TTC27: variants seen among roughly 807,000 people sequenced by gnomAD.
TTC27 encodes the protein tetratricopeptide repeat domain 27.
A neutral mutation model predicts 115.9 loss-of-function variants in TTC27; 79 were observed. The observed-to-expected ratio is 0.68, with a 90% CI of 0.57 to 0.82. The LOEUF (loss-of-function observed/expected upper bound fraction) is 0.82, where lower values mean the gene tolerates loss of function less well. Among genes scored for constraint, TTC27 ranks in the 40% least tolerant of loss-of-function variants. The pLI is 0.00. For missense variants in TTC27, 1,054 were observed against 993.1 expected (o/e 1.06, Z -0.82); for synonymous variants, 401 against 356.0 (o/e 1.13, Z -1.42).
intron 11 of TTC27, 63 bp from the exon 12 acceptor site, chr2:32,736,631 A>T: frequency 6.2e-7 from 1 of 1,600,302 alleles, no homozygotes; most frequent in Non-Finnish European, 8.5e-7. Context: ...GTACACCTGC[A>T]AGTGAAACAG....
intron 10 of TTC27, among the ~76,000 whole-genome samples, chr2:32,705,483 T>C (rs1170086303): frequency 6.6e-6 from 1 of 152,186 alleles, no homozygotes; most frequent in Non-Finnish European, 1.5e-5. Flanking sequence ...CATTTTTATT[T>C]ATTTATTTTT....
In TTC27 at chr2:32,650,354, T is replaced by C. The variant is rs2151869707; in HGVS notation, c.640+121T>C. The C allele has an allele frequency of 4.4e-5, 5 of 114,704 alleles. No individual in the cohort carries two copies. The South Asian group carries it at 9.6e-4, about 22-fold the overall frequency. The allele number at this position is 114,704 out of a possible 1,614,324, so 7.1% of individuals were successfully genotyped here. On this transcript the variant is annotated intron_variant, in intron 5 of 19. Transcript: ENST00000317907. ...GTGCCTTTTCGTTTTGAGTTGTTTC[T>C]TTTTTTTTTTTTTTTTTTTTGGTGT...
chr2:32,693,803 G>T (rs900506713), intron 9 of TTC27, among the ~76,000 whole-genome samples: 1 of 152,166 alleles, frequency 6.6e-6, no homozygotes, highest in African/African-American at 2.4e-5. Context: ...ACAGTAAAGC[G>T]CTAACAAAAC....
intron 12 of TTC27, among the ~76,000 whole-genome samples, chr2:32,757,626 G>A (rs1196300098): frequency 2.6e-5 from 4 of 152,098 alleles, no homozygotes; most frequent in Non-Finnish European, 1.5e-5. Flanking sequence ...ATTAAGCTGT[G>A]CACATTTTTT....
intron 8 of TTC27, among the ~76,000 whole-genome samples, chr2:32,673,417 G>A (rs972449332): frequency 2.0e-5 from 3 of 151,814 alleles, no homozygotes; most frequent in Non-Finnish European, 4.4e-5. Flanking sequence ...AGTAGAGATG[G>A]GGTTTCGCCG....
At position 32,818,916 on chromosome 2, in the gene TTC27, A is replaced by G. The variant is rs115824798; in HGVS notation, c.2409+1359A>G. Among the ~76,000 whole-genome samples the G allele has an allele frequency of 7.4e-3, 1,134 of 152,218 alleles. 9 individuals carry two copies. The highest frequency in any genetic ancestry group is 0.012 in the Non-Finnish European group (784 of 68,008). On this transcript the variant is annotated intron_variant, in intron 19 of 19. Transcript: ENST00000317907. ...TACTTCACTTTTCCTATTTATCTGC[A>G]TGACCCAGGAGAACTATATTTCCTC...
At chr2:32,720,629 A>T (rs1386242263) in intron 10 of TTC27, among the ~76,000 whole-genome samples, 1 of 152,210 alleles carries the variant, frequency 6.6e-6, no homozygotes, top group African/African-American at 2.4e-5. Flanking sequence ...AGATGAAGCC[A>T]TGACAGTTTT....
chr2:32,796,145 G>A (rs967347839), intron 16 of TTC27, among the ~76,000 whole-genome samples: 1 of 152,070 alleles, frequency 6.6e-6, no homozygotes, highest in Admixed American at 6.6e-5. Context: ...AAAATCAGCT[G>A]CATTTCTGTA....
At chr2:32,780,882 T>C (rs1240560095) in intron 14 of TTC27, among the ~76,000 whole-genome samples, 1 of 151,790 alleles carries the variant, frequency 6.6e-6, no homozygotes, top group East Asian at 1.9e-4. Flanking sequence ...CCTTAAAATG[T>C]TCTATATAAA....
At chr2:32,751,746 T>C (rs909590089) in intron 12 of TTC27, among the ~76,000 whole-genome samples, 1 of 152,222 alleles carries the variant, frequency 6.6e-6, no homozygotes, top group Non-Finnish European at 1.5e-5. Context: ...GGAAGAGCTA[T>C]GATATATCCT....
chr2:32,752,288 A>T (rs1171678723), intron 12 of TTC27, among the ~76,000 whole-genome samples: 2 of 152,176 alleles, frequency 1.3e-5, no homozygotes, highest in Non-Finnish European at 2.9e-5. Context: ...CCTGTTGGGG[A>T]CATAGTTAGG....
At chr2:32,687,357 A>G (rs1421014542) in intron 9 of TTC27, among the ~76,000 whole-genome samples, 5 of 152,242 alleles carry the variant, frequency 3.3e-5, no homozygotes, top group Admixed American at 1.3e-4. Context: ...TCAAGGTGGC[A>G]ACCTAAAATA....
intron 10 of TTC27, among the ~76,000 whole-genome samples, chr2:32,725,068 G>A (rs1668062458): frequency 6.6e-6 from 1 of 152,168 alleles, no homozygotes; most frequent in Admixed American, 6.5e-5. Flanking sequence ...ACGGGAAAGA[G>A]TTGCCCCACA....
intron 18 of TTC27, among the ~76,000 whole-genome samples, chr2:32,813,586 C>T (rs563425883): frequency 6.6e-6 from 1 of 152,212 alleles, no homozygotes; most frequent in African/African-American, 2.4e-5. Flanking sequence ...GATATTAATA[C>T]CCTACCCTCT....
At chr2:32,642,891 CT>C (rs1197802862) in intron 4 of TTC27, among the ~76,000 whole-genome samples, 1 of 152,166 alleles carries the variant, frequency 6.6e-6, no homozygotes, top group African/African-American at 2.4e-5. Context: ...TGGTCTTGAA[CT>C]TGTGGGCTCA....
intron 9 of TTC27, among the ~76,000 whole-genome samples, chr2:32,680,746 C>T (rs1170930458): frequency 1.3e-5 from 2 of 152,080 alleles, no homozygotes; most frequent in Non-Finnish European, 2.9e-5. Context: ...TTCTGCTGGC[C>T]AGTAGTAACA....
rs55810061 is a variant in TTC27 at position 32,792,055 on chromosome 2, C to T, written c.1998+4906C>T. ...ACCTCTTTCCCCCATGAGGCAACTA[C>T]TTTCTGATTTCCATCTCCACAGTTT... On this transcript the variant is annotated intron_variant, in intron 16 of 19. Transcript: ENST00000317907. Among the ~76,000 whole-genome samples, 272 of 152,348 alleles carry T rather than the reference C, an allele frequency of 1.8e-3. 1 individual carries two copies. The highest frequency in any genetic ancestry group is 6.3e-3 in the African/African-American group (260 of 41,580).
chr2:32,748,315 T>C (rs1390355536), intron 12 of TTC27, among the ~76,000 whole-genome samples: 2 of 152,226 alleles, frequency 1.3e-5, no homozygotes, highest in African/African-American at 4.8e-5. Context: ...ATGACTTCAG[T>C]CTTTCACATT....
chr2:32,795,743 T>C (rs1572621614), intron 16 of TTC27, among the ~76,000 whole-genome samples: 1 of 147,578 alleles, frequency 6.8e-6, no homozygotes, highest in East Asian at 2.0e-4. Context: ...ATTATTATTA[T>C]TATTATTATT....
Sources: gnomAD v4.1 joint callset for allele counts (sites outside exome capture counted in the v4.1 genomes callset) on GRCh38, gnomAD v4.1.1 for gene constraint, MANE v1.5 for transcripts, NCBI Gene and HGNC (gene_info 2026-07-23, HGNC 2026-07-21) for gene names.